The following CRACD variants were observed in gnomAD, a reference collection of about 807,000 sequenced individuals.
CRACD encodes capping protein-inhibiting regulator of actin dynamics.
Under a neutral mutation model 106.8 loss-of-function variants are expected in CRACD, and 56 were observed. That is an observed-to-expected ratio of 0.52 (90% CI 0.42 to 0.66). The LOEUF (loss-of-function observed/expected upper bound fraction) is 0.66. CRACD is among the 30% of genes least tolerant of loss of function. The pLI is 0.00. For missense variants in CRACD, 1,730 were observed against 1,623.2 expected (o/e 1.07, Z -1.13); for synonymous variants, 754 against 670.8 (o/e 1.12, Z -1.92).
chr4:56,207,781 CTTATT>C (rs1184113381), intron 2 of CRACD, among the ~76,000 whole-genome samples: 21 of 82,712 alleles, frequency 2.5e-4, no homozygotes, highest in African/African-American at 7.9e-4. Flanking sequence ...TATATATATG[CTTATT>C]TTATTTTATT....
chr4:56,086,025 C>T (rs1354632628), intron 1 of CRACD, among the ~76,000 whole-genome samples: 1 of 152,154 alleles, frequency 6.6e-6, no homozygotes, highest in Non-Finnish European at 1.5e-5. Context: ...TAGCACTCCC[C>T]AGATTTCTTA....
intron 1 of CRACD, among the ~76,000 whole-genome samples, chr4:56,136,498 G>C (rs1307114825): frequency 3.9e-5 from 6 of 152,126 alleles, no homozygotes; most frequent in Admixed American, 1.3e-4. Context: ...ATTTGCATTT[G>C]CCTAATGGCT....
chr4:56,222,507 C>T (rs1274986615), intron 2 of CRACD, among the ~76,000 whole-genome samples: 2 of 151,956 alleles, frequency 1.3e-5, no homozygotes, highest in African/African-American at 2.4e-5. Flanking sequence ...ATCCATGTAA[C>T]CAAAAACCAC....
chr4:56,326,983 T>A lies in CRACD; in HGVS notation c.3542-661T>A, dbSNP rs370028120. Reference sequence around the variant, plus strand: ...TCGAACTCCTGACCTCAAGTGATCCTCCCTCCTTGACCTCCCAAAGTGCTG... The same window carrying A: ...TCGAACTCCTGACCTCAAGTGATCCACCCTCCTTGACCTCCCAAAGTGCTG... On this transcript the variant is annotated intron_variant, in intron 10 of 10. Coordinates refer to ENST00000682029, the MANE Select transcript of CRACD (RefSeq NM_001393381.1). Among the ~76,000 whole-genome samples, 135 of 152,022 alleles carry A rather than the reference T, an allele frequency of 8.9e-4. 3 individuals are homozygous for A. In the South Asian group the frequency reaches 0.026, roughly 30 times the overall value.
At chr4:56,316,755 A>C (rs1170308099) in intron 8 of CRACD, 66 bp downstream of exon 8, 1 of 1,499,964 alleles carries the variant, frequency 6.7e-7, no homozygotes, top group African/African-American at 1.4e-5. Context: ...TCAAGAAGAG[A>C]TCCACACGCA....
chr4:56,182,863 A>ATGTGTGTGTGTGTGTGTG (rs34291347), intron 2 of CRACD, among the ~76,000 whole-genome samples: 64 of 144,826 alleles, frequency 4.4e-4, no homozygotes, highest in East Asian at 2.6e-3. Flanking sequence ...AAAAAAAGAT[A>ATGTGTGTGTGTGTGTGTG]TGTGTGTGTG....
intron 1 of CRACD, among the ~76,000 whole-genome samples, chr4:56,110,872 C>G (rs1053332907): frequency 6.6e-5 from 10 of 152,172 alleles, no homozygotes; most frequent in African/African-American, 2.4e-4. Flanking sequence ...GCTGGGATTA[C>G]AGGTGTGAGC....
chr4:56,314,581 GGCAGGA>G lies in CRACD; in HGVS notation c.1081_1086del (p.Gln361_Glu362del). The G allele has an allele frequency of 6.6e-7, 1 of 1,519,078 alleles. No individual in the cohort carries two copies. Among genetic ancestry groups the G allele is most frequent in the Non-Finnish European group, 8.8e-7 (1 of 1,134,448 alleles). 94.1% of individuals were successfully genotyped at this position (1,519,078 alleles called of 1,614,324 possible). A position where few individuals can be genotyped will look rare whatever the true frequency, so the allele number is the denominator to read the frequency against. On this transcript the variant is annotated inframe_deletion, in exon 8 of 11. Transcript: ENST00000682029. The surrounding 1 kb of genome is among the most constrained non-coding windows in gnomAD (Gnocchi z 4.4). The stretch of plus-strand genomic sequence containing the variant: ...GGAAGATGCGCGGAGGAGCTCAAAA[GGCAGGA>G]GGAGGAGGAGGCTGAGGGATGGGAA...
rs189096237 is a variant in CRACD, at chr4:56,202,088, G to A, written c.-189+22658G>A. The stretch of plus-strand genomic sequence containing the variant: ...ATGATATATTTTTATGTGATTGAGT[G>A]GAAATTACAATTTTCCTTTTATTTA... On this transcript the variant is annotated intron_variant, in intron 2 of 10. Coordinates refer to ENST00000682029, the MANE Select transcript of CRACD (RefSeq NM_001393381.1). Among the ~76,000 whole-genome samples, 287 of 152,158 alleles carry A rather than the reference G, an allele frequency of 1.9e-3. 1 individual carries two copies. Among genetic ancestry groups the A allele is most frequent in the African/African-American group, 6.3e-3 (262 of 41,510 alleles).
At chr4:56,271,090 A>T (rs557482148) in intron 2 of CRACD, among the ~76,000 whole-genome samples, 1 of 148,786 alleles carries the variant, frequency 6.7e-6, no homozygotes, top group Non-Finnish European at 1.5e-5. Context: ...GGGCGATAAG[A>T]GTGAAACTCC....
chr4:56,308,653 G>A (rs1004473397), intron 5 of CRACD: 6 of 524,320 alleles, frequency 1.1e-5, no homozygotes, highest in Non-Finnish European at 1.5e-5. Context: ...AGTGAGGAAG[G>A]GATGTGAAAA....
At chr4:56,172,888 C>G (rs1736431505) in intron 1 of CRACD, among the ~76,000 whole-genome samples, 1 of 152,126 alleles carries the variant, frequency 6.6e-6, no homozygotes. Flanking sequence ...TCCCAAAGTG[C>G]TGGATTACGG....
At chr4:56,195,621 A>G (rs1295854223) in intron 2 of CRACD, among the ~76,000 whole-genome samples, 1 of 152,214 alleles carries the variant, frequency 6.6e-6, no homozygotes, top group Non-Finnish European at 1.5e-5. Flanking sequence ...AAGGGCAAAA[A>G]TTGACTTTAT....
intron 1 of CRACD, among the ~76,000 whole-genome samples, chr4:56,115,036 G>A (rs1200858045): frequency 1.3e-5 from 2 of 152,018 alleles, no homozygotes; most frequent in Non-Finnish European, 2.9e-5. Flanking sequence ...TCAATAAAAT[G>A]TTGTGGGAGG....
intron 2 of CRACD, among the ~76,000 whole-genome samples, chr4:56,222,860 G>A (rs566339767): frequency 2.4e-3 from 359 of 151,930 alleles, no homozygotes; most frequent in South Asian, 3.3e-3. Context: ...CCTGTAATCC[G>A]GCTACTTGGG....
rs770728273 is a variant in CRACD at position 56,314,828 on chromosome 4, A to G, written c.1326A>G (p.Arg442=). The G allele has an allele frequency of 5.4e-5, 87 of 1,610,686 alleles. No homozygotes were observed. In the South Asian group the frequency reaches 9.6e-4, roughly 18 times the overall value. The change falls in exon 8 of 11, where the codon AGA becomes AGG. Residue 442 remains arginine, a synonymous_variant. Coordinates refer to ENST00000682029, the MANE Select transcript of CRACD (RefSeq NM_001393381.1). This position sits in a 1 kb window ranked among gnomAD's most constrained non-coding sequence, Gnocchi z 4.4. ...AACGCCTGAAACCCGAAGGACAAAGAGAACACTCCGAGGAGCCAGGTATTT... is the reference window on the plus strand; with the variant it reads ...AACGCCTGAAACCCGAAGGACAAAGGGAACACTCCGAGGAGCCAGGTATTT... ...DQERLKPEGQ[R]EHSEEPGICE... is the part of the protein sequence containing the mutation.
intron 1 of CRACD, among the ~76,000 whole-genome samples, chr4:56,053,494 A>C (rs1026318264): frequency 6.6e-6 from 1 of 152,202 alleles, no homozygotes; most frequent in African/African-American, 2.4e-5. Flanking sequence ...AGATGCTTTT[A>C]TATAATAAAG....
chr4:56,304,394 A>G (rs774206058), intron 4 of CRACD, among the ~76,000 whole-genome samples: 1 of 147,720 alleles, frequency 6.8e-6, no homozygotes, highest in African/African-American at 2.5e-5. Context: ...CATTATTTCA[A>G]TTCAGACTGT....
chr4:56,272,663 G>T (rs1246171523), intron 3 of CRACD, among the ~76,000 whole-genome samples, 171 bp downstream of exon 3: 1 of 152,048 alleles, frequency 6.6e-6, no homozygotes, highest in Admixed American at 6.5e-5. Context: ...GGCCGAGGCG[G>T]GCAGATCACT....
Sources: allele counts gnomAD v4.1 joint callset (sites outside exome capture counted in the v4.1 genomes callset), GRCh38; gene constraint gnomAD v4.1.1; non-coding constraint Gnocchi (gnomAD v3.1); transcripts MANE v1.5; gene names NCBI Gene and HGNC (gene_info 2026-07-23, HGNC 2026-07-21).